ZCCHC2: variants seen among roughly 807,000 people sequenced by gnomAD.
ZCCHC2 encodes the protein zinc finger CCHC-type containing 2, also known as zinc finger CCHC domain-containing protein 2.
A neutral mutation model predicts 103.6 loss-of-function variants in ZCCHC2; 39 were observed. The observed-to-expected ratio is 0.38, with a 90% CI of 0.29 to 0.49. The LOEUF (loss-of-function observed/expected upper bound fraction) is 0.49. Ranked by LOEUF, ZCCHC2 falls within the 20% of genes least tolerant of loss-of-function variation. The pLI, the probability that ZCCHC2 is intolerant of heterozygous loss-of-function variation, is 0.96. For synonymous variants in ZCCHC2, 687 were observed against 608.9 expected (o/e 1.13, Z -1.89); for missense variants, 1,483 against 1,491.0 (o/e 0.99, Z 0.09).
intron 5 of ZCCHC2, among the ~76,000 whole-genome samples, chr18:62,554,261 C>T (rs1357104963): frequency 6.6e-6 from 1 of 151,950 alleles, no homozygotes; most frequent in African/African-American, 2.4e-5. Flanking sequence ...ATAAAGGAGG[C>T]GGAAGAAAGG....
chr18:62,559,954 A>T (rs1184499206), intron 7 of ZCCHC2, among the ~76,000 whole-genome samples: 1 of 152,236 alleles, frequency 6.6e-6, no homozygotes, highest in Non-Finnish European at 1.5e-5. Flanking sequence ...TAATCTAGAG[A>T]TGATTTAAAA....
intron 5 of ZCCHC2, among the ~76,000 whole-genome samples, chr18:62,555,561 C>G (rs1330950151): frequency 6.6e-6 from 1 of 152,198 alleles, no homozygotes; most frequent in Non-Finnish European, 1.5e-5. Flanking sequence ...GTAATCCCAG[C>G]ACTTTGAGAG....
At chr18:62,585,379 C>A (rs538583800) in exon 15 of ZCCHC2, 1 of 152,248 alleles carries the variant, frequency 6.6e-6, no homozygotes, top group South Asian at 2.1e-4. Context: ...TCCCAGGTAC[C>A]CCTGCTGCCC....
chr18:62,556,082 G>GA, intron 5 of ZCCHC2, 121 bp from the exon 6 acceptor site: 1 of 700,916 alleles, frequency 1.4e-6, no homozygotes, highest in Non-Finnish European at 2.3e-6. Flanking sequence ...TTTTCTATAG[G>GA]AAAAATATTT....
intron 5 of ZCCHC2, 81 bp downstream of exon 5, chr18:62,550,541 A>T: frequency 1.1e-6 from 1 of 946,690 alleles, no homozygotes; most frequent in African/African-American, 1.7e-5. Flanking sequence ...CAGGTGGGGG[A>T]ATCATAGAGA....
chr18:62,553,885 T>A (rs1299619365), intron 5 of ZCCHC2, among the ~76,000 whole-genome samples: 1 of 152,244 alleles, frequency 6.6e-6, no homozygotes, highest in Non-Finnish European at 1.5e-5. Flanking sequence ...TAAAGAGCCC[T>A]GCTTGCGATT....
In ZCCHC2 at chr18:62,574,464, A is replaced by G. The variant is rs772837004; in HGVS notation, c.2383A>G (p.Ile795Val). 6.2e-7 allele frequency: 1 copy of G among 1,613,896 alleles called. No homozygotes were observed. The highest frequency in any genetic ancestry group is 1.1e-5 in the South Asian group (1 of 91,082). ...TGAGTTACTGGCTTCCCCTTTACCT[A>G]TTCCATCAACCTTCCTTCCACACAG... The part of the protein sequence containing the change: ...HLELLASPLP[I>V]PSTFLPHSST... The change falls in exon 13 of 14, where the codon ATT (isoleucine) becomes GTT (valine). Residue 795 changes from isoleucine (I) to valine (V), a missense_variant. By Grantham distance (29) the Ile-to-Val change is conservative. Transcript: ENST00000269499.
chr18:62,526,745 C>T (rs377272554), intron 1 of ZCCHC2: 3 of 152,072 alleles, frequency 2.0e-5, no homozygotes, highest in African/African-American at 4.8e-5. Context: ...ACGCAACGCC[C>T]GGAGCTAGCG....
chr18:62,546,483 G>T (rs1029477593), intron 4 of ZCCHC2, among the ~76,000 whole-genome samples: 1 of 152,214 alleles, frequency 6.6e-6, no homozygotes, highest in Non-Finnish European at 1.5e-5. Context: ...TTGGGTTAAG[G>T]AGTAGCCTGT....
At chr18:62,526,856 C>T (rs145041614) in intron 1 of ZCCHC2, 15,185 of 151,882 alleles carry the variant, frequency 0.1, 789 homozygotes, top group Non-Finnish European at 0.11. Context: ...CCGGCCCCGC[C>T]CCCGGCGCCC....
chr18:62,537,978 A>G (rs183614658), intron 1 of ZCCHC2, among the ~76,000 whole-genome samples: 36 of 152,364 alleles, frequency 2.4e-4, no homozygotes, highest in Middle Eastern at 3.4e-3. Flanking sequence ...ATAAAGTGGT[A>G]TCTTCTTATG....
rs1307227945 is a variant in ZCCHC2, at chr18:62,574,778, G to A, written c.2697G>A (p.Lys899=). The A allele has an allele frequency of 1.9e-6, 3 of 1,613,888 alleles. No homozygotes were observed. In the African/African-American group the frequency reaches 4.0e-5, roughly 22 times the overall value. Residue 899 remains lysine, a synonymous_variant, in exon 13 of 14, where the codon AAG becomes AAA. Transcript: ENST00000269499. ...CAGTCCCTCAGCCTACCAATGTGAA[G>A]GTAGTTCTTCCAGCAGCTGGCCTCT... The part of the protein sequence containing the change: ...TGTVPQPTNV[K]VVLPAAGLSA...
At chr18:62,575,637 C>G in intron 13 of ZCCHC2, 87 bp downstream of exon 13, 3 of 1,444,122 alleles carry the variant, frequency 2.1e-6, no homozygotes, top group Non-Finnish European at 2.8e-6. Context: ...TCTGTTGTAG[C>G]AGAAAGATCT....
intron 4 of ZCCHC2, among the ~76,000 whole-genome samples, chr18:62,549,897 TAA>T (rs1915590657): frequency 6.6e-6 from 1 of 152,206 alleles, no homozygotes; most frequent in African/African-American, 2.4e-5. Flanking sequence ...GAGTAAAACG[TAA>T]AACAGGAGGC....
downstream of ZCCHC2, among the ~76,000 whole-genome samples, chr18:62,580,116 G>T (rs934601794): frequency 6.6e-6 from 1 of 152,086 alleles, no homozygotes; most frequent in African/African-American, 2.4e-5. Flanking sequence ...CTTTATAAGG[G>T]TATCCTTTTG....
rs140586897 is a variant in ZCCHC2 at position 62,565,200 on chromosome 18, A to T, written c.1846+104A>T. 3 of 835,196 alleles carry T rather than the reference A, an allele frequency of 3.6e-6. No homozygotes were observed. The Admixed American group carries it at 7.9e-5, about 22-fold the overall frequency. The allele number at this position is 835,196 out of a possible 1,614,324, so 51.7% of individuals were successfully genotyped here. On this transcript the variant is annotated intron_variant, in intron 11 of 13. Transcript: ENST00000269499. ...AGCTGTTGTGTCAAATCCTAATACTATAAGTTTACCTTGTGTTGATATGTA... is the reference window on the plus strand; with the variant it reads ...AGCTGTTGTGTCAAATCCTAATACTTTAAGTTTACCTTGTGTTGATATGTA...
intron 1 of ZCCHC2, among the ~76,000 whole-genome samples, chr18:62,529,493 G>A (rs1598927262): frequency 6.6e-6 from 1 of 152,146 alleles, no homozygotes; most frequent in Non-Finnish European, 1.5e-5. Context: ...TGAGAATGGG[G>A]GCCAGAAACA....
At chr18:62,566,360 C>G (rs981579679) in intron 11 of ZCCHC2, among the ~76,000 whole-genome samples, 1 of 152,126 alleles carries the variant, frequency 6.6e-6, no homozygotes, top group African/African-American at 2.4e-5. Flanking sequence ...GTAGAAGGAT[C>G]TTGTAACACT....
chr18:62,547,879 C>T (rs1030702688), intron 4 of ZCCHC2, among the ~76,000 whole-genome samples: 3 of 151,982 alleles, frequency 2.0e-5, no homozygotes, highest in Non-Finnish European at 4.4e-5. Context: ...TTTTTTTCTT[C>T]TTAGCAATTA....
Sources: gnomAD v4.1 joint callset for allele counts (sites outside exome capture counted in the v4.1 genomes callset) on GRCh38, gnomAD v4.1.1 for gene constraint, MANE v1.5 for transcripts, NCBI Gene and HGNC (gene_info 2026-07-23, HGNC 2026-07-21) for gene names.